Variants in SLC22A14 observed in about 807,000 individuals in gnomAD.
SLC22A14 encodes solute carrier family 22 member 14, also known as organic cation transporter-like 4.
Under a neutral mutation model 53.9 loss-of-function variants are expected in SLC22A14, and 50 were observed. That is an observed-to-expected ratio of 0.93 (90% CI 0.74 to 1.17). The LOEUF (loss-of-function observed/expected upper bound fraction) is 1.17, where lower values mean the gene tolerates loss of function less well. Ranked by LOEUF, SLC22A14 falls within the 50% of genes most tolerant of loss-of-function variation. SLC22A14 has a pLI of 0.00. For missense variants in SLC22A14, 671 were observed against 734.7 expected (o/e 0.91, Z 1.00); for synonymous variants, 312 against 303.0 (o/e 1.03, Z -0.31).
At chr3:38,295,802 G>GTCTCTC (rs374185630) in intron 1 of SLC22A14, among the ~76,000 whole-genome samples, 2 of 147,290 alleles carry the variant, frequency 1.4e-5, no homozygotes, top group East Asian at 2.0e-4. Flanking sequence ...CTCTCTGTCT[G>GTCTCTC]TCTCTCTCTC....
rs190905770 is a variant in SLC22A14, at chr3:38,307,814, G to A, written c.775+94G>A. On this transcript the variant is annotated intron_variant, in intron 4 of 10. Coordinates refer to ENST00000448498, the MANE Select transcript of SLC22A14 (RefSeq NM_001320033.2). This position sits in a 1 kb window ranked among gnomAD's most constrained non-coding sequence, Gnocchi z 4.4. The stretch of plus-strand genomic sequence containing the variant: ...GGGACATAGTGGCAGGGGGCGTGGC[G>A]GCATAGGCAGATGGCAAGGGGGCGT... 546 of 1,400,486 alleles carry A rather than the reference G, an allele frequency of 3.9e-4. 2 individuals are homozygous for A. Among genetic ancestry groups the A allele is most frequent in the East Asian group, 1.5e-3 (65 of 43,856 alleles). 86.8% of individuals were successfully genotyped at this position (1,400,486 alleles called of 1,614,324 possible).
intron 1 of SLC22A14, among the ~76,000 whole-genome samples, chr3:38,288,545 T>G (rs1703839677): frequency 1.3e-5 from 2 of 152,218 alleles, no homozygotes; most frequent in South Asian, 4.1e-4. Flanking sequence ...TACATTCCAA[T>G]ACAAAAGGGT....
chr3:38,283,808 TGACA>T (rs1703727047), intron 1 of SLC22A14, among the ~76,000 whole-genome samples: 1 of 152,076 alleles, frequency 6.6e-6, no homozygotes, highest in Admixed American at 6.6e-5. Flanking sequence ...CCAGCCTGGG[TGACA>T]GACCGAGATT....
intron 6 of SLC22A14, 54 bp from the exon 7 acceptor site, chr3:38,313,334 G>A: frequency 1.4e-6 from 2 of 1,464,544 alleles, no homozygotes; most frequent in Non-Finnish European, 1.9e-6. Flanking sequence ...TGTGGGGCTG[G>A]GGAGCAAGCT....
chr3:38,313,683 T>TGTGTGTGTGTGTGTGTGTGCGC (rs539249729), intron 7 of SLC22A14, 44 bp from the exon 8 acceptor site: 2 of 737,126 alleles, frequency 2.7e-6, no homozygotes, highest in Non-Finnish European at 4.0e-6. Flanking sequence ...GCTCCGTGTG[T>TGTGTGTGTGTGTGTGTGTGCGC]GTGCGCGCGT....
chr3:38,316,568 C>T, intron 10 of SLC22A14, 44 bp downstream of exon 10: 1 of 1,562,658 alleles, frequency 6.4e-7, no homozygotes, highest in Non-Finnish European at 8.8e-7. Flanking sequence ...CGGGGCCTGG[C>T]TCTGAAGCCT....
At chr3:38,281,516 G>A (rs1031495405), upstream of SLC22A14, among the ~76,000 whole-genome samples, 1 of 152,172 alleles carries the variant, frequency 6.6e-6, no homozygotes, top group Non-Finnish European at 1.5e-5. Flanking sequence ...TGAGGGAACC[G>A]AGCAAGCTAG....
In SLC22A14 at chr3:38,300,539, G is replaced by A. The variant is rs191727075; in HGVS notation, c.1-5488G>A. 1.4e-4 allele frequency among the ~76,000 whole-genome samples: 22 copies of A among 152,260 alleles called. No individual in the cohort carries two copies. In the East Asian group the frequency reaches 2.3e-3, roughly 16 times the overall value. ...AAAGGCACATTGGGTGGAGTCTAGAGGATACTGGGTACCATCTTTCCATCT... is the reference window on the plus strand; with the variant it reads ...AAAGGCACATTGGGTGGAGTCTAGAAGATACTGGGTACCATCTTTCCATCT... On this transcript the variant is annotated intron_variant, in intron 1 of 10. Coordinates refer to ENST00000448498, the MANE Select transcript of SLC22A14 (RefSeq NM_001320033.2).
chr3:38,313,194 G>C, intron 6 of SLC22A14, 75 bp downstream of exon 6: 3 of 1,579,554 alleles, frequency 1.9e-6, no homozygotes, highest in Non-Finnish European at 2.6e-6. Flanking sequence ...CATCCTTTCA[G>C]GTGGGACATT....
In SLC22A14 at chr3:38,313,444, T is replaced by C. The variant is rs374014860; in HGVS notation, c.1122T>C (p.Asn374=). Residue 374 remains asparagine, a synonymous_variant, in exon 7 of 11, where the codon AAT becomes AAC. Transcript: ENST00000448498. ...CCTCTGTCCTGGACTTCTGTAAGAA[T>C]AGGCAGCTCTGCAAGGTGACCTTGG... is the stretch of plus-strand genomic sequence containing the variant. The part of the protein sequence containing the change: ...TRASVLDFCK[N]RQLCKVTLVM... The C allele has an allele frequency of 3.1e-6, 5 of 1,613,810 alleles. No individual in the cohort carries two copies. The highest frequency in any genetic ancestry group is 4.2e-6 in the Non-Finnish European group (5 of 1,179,820).
At chr3:38,309,737 C>A (rs1704414467) in intron 5 of SLC22A14, among the ~76,000 whole-genome samples, 1 of 151,872 alleles carries the variant, frequency 6.6e-6, no homozygotes, top group African/African-American at 2.4e-5. Context: ...AGAAGGTTAA[C>A]CTTGGGCAGG....
intron 1 of SLC22A14, among the ~76,000 whole-genome samples, chr3:38,298,161 A>G (rs1704080960): frequency 6.6e-6 from 1 of 152,060 alleles, no homozygotes; most frequent in Non-Finnish European, 1.5e-5. Flanking sequence ...TCCACTGGGG[A>G]CACACCTTCA....
At chr3:38,281,768 G>A (rs1361470634), upstream of SLC22A14, among the ~76,000 whole-genome samples, 2 of 152,216 alleles carry the variant, frequency 1.3e-5, no homozygotes, top group African/African-American at 2.4e-5. Flanking sequence ...AGTACATGCT[G>A]TACTGGTACA....
At chr3:38,308,539 A>T (rs1490693660) in intron 4 of SLC22A14, among the ~76,000 whole-genome samples, 1 of 152,248 alleles carries the variant, frequency 6.6e-6, no homozygotes, top group Middle Eastern at 3.2e-3. Flanking sequence ...TCCTGGCAGG[A>T]GAACCTCTTC....
chr3:38,284,465 A>C (rs1703744980), intron 1 of SLC22A14, among the ~76,000 whole-genome samples: 1 of 152,240 alleles, frequency 6.6e-6, no homozygotes, highest in African/African-American at 2.4e-5. Flanking sequence ...ATCCCCAGCC[A>C]GGCAAGGGCC....
At chr3:38,305,308 A>C (rs533099759) in intron 1 of SLC22A14, 2 of 152,240 alleles carry the variant, frequency 1.3e-5, no homozygotes, top group African/African-American at 4.8e-5. Context: ...TTGCAGAATC[A>C]ACTTGAAGAA....
rs753773604 is a variant in SLC22A14, at chr3:38,306,496, A to G, written c.470A>G (p.Asp157Gly). ...CTCAATGACACAGACACATGCCAAGATGGGTGGATCTATCCTGACGCTAAG... is the reference window on the plus strand; with the variant it reads ...CTCAATGACACAGACACATGCCAAGGTGGGTGGATCTATCCTGACGCTAAG... ...FGLNDTDTCQ[D>G]GWIYPDAKKR... Residue 157 changes from aspartate (D) to glycine (G), a missense_variant, in exon 2 of 11, where the codon GAT becomes GGT. Coordinates refer to ENST00000448498, the MANE Select transcript of SLC22A14 (RefSeq NM_001320033.2). 3 of 1,614,142 alleles carry G rather than the reference A, an allele frequency of 1.9e-6. No homozygotes were observed. In the Admixed American group the frequency reaches 5.0e-5, roughly 27 times the overall value.
chr3:38,312,763 CGGTGGTCAG>C, intron 5 of SLC22A14, among the ~76,000 whole-genome samples: 1 of 152,234 alleles, frequency 6.6e-6, no homozygotes, highest in Non-Finnish European at 1.5e-5. Context: ...CAGAGGCAGC[CGGTGGTCAG>C]GGTGTTACCT....
At chr3:38,310,155 A>G (rs942664666) in intron 5 of SLC22A14, among the ~76,000 whole-genome samples, 2 of 152,080 alleles carry the variant, frequency 1.3e-5, no homozygotes, top group Non-Finnish European at 2.9e-5. Context: ...GGGTGGGAGG[A>G]GCGCTTGAGG....
Sources: gnomAD v4.1 joint callset for allele counts (sites outside exome capture counted in the v4.1 genomes callset) on GRCh38, gnomAD v4.1.1 for gene constraint, Gnocchi (gnomAD v3.1) non-coding constraint, MANE v1.5 for transcripts, NCBI Gene and HGNC (gene_info 2026-07-23, HGNC 2026-07-21) for gene names.